Variants in THOP1 observed in about 807,000 individuals in gnomAD.
The protein encoded by THOP1 is thimet oligopeptidase 1.
In THOP1, 49 loss-of-function variants were observed where a neutral mutation model predicts 71.8. That is an observed-to-expected ratio of 0.68 (90% CI 0.54 to 0.87). The LOEUF is 0.87. Ranked by LOEUF, THOP1 falls within the 40% of genes least tolerant of loss-of-function variation. The pLI is 0.00. For missense variants in THOP1, 843 were observed against 975.6 expected, an observed-to-expected ratio of 0.86 and a Z score of 1.81; for synonymous variants, 426 against 421.5, an observed-to-expected ratio of 1.01 and a Z score of -0.13.
At chr19:2,791,508 C>T (rs913395541) in intron 2 of THOP1, among the ~76,000 whole-genome samples, 2 of 152,208 alleles carry the variant, frequency 1.3e-5, no homozygotes, top group Non-Finnish European at 2.9e-5. Context: ...GCTGAAGCTC[C>T]GCAAGCACCC....
intron 1 of THOP1, among the ~76,000 whole-genome samples, chr19:2,788,500 C>T (rs112713793): frequency 0.055 from 8,385 of 152,096 alleles, 731 homozygotes; most frequent in African/African-American, 0.19. Flanking sequence ...TTTTTTGAGA[C>T]GGAGTTTCAC....
chr19:2,805,180 A>G lies in THOP1; in HGVS notation c.750+4A>G, dbSNP rs775541632. 6 of 1,610,492 alleles carry G rather than the reference A, an allele frequency of 3.7e-6. No homozygotes were observed. The highest frequency in any genetic ancestry group is 3.3e-5 in the South Asian group (3 of 90,680). On this transcript the variant is annotated splice_donor_region_variant and intron_variant, in intron 6 of 12. Transcript: ENST00000307741. This position sits in a 1 kb window ranked among gnomAD's most constrained non-coding sequence, Gnocchi z 6.6. The stretch of plus-strand genomic sequence containing the variant: ...CTTCAACTGCCGGTGCAAGGAGGTG[A>G]GAAGGCACGGCCAGGGGGCCCCAGA...
chr19:2,789,376 C>G (rs1483412607), intron 1 of THOP1, among the ~76,000 whole-genome samples: 7 of 152,234 alleles, frequency 4.6e-5, no homozygotes, highest in African/African-American at 1.7e-4. Flanking sequence ...GCTGCTCTCG[C>G]TGCCAGGAGC....
chr19:2,796,704 A>G (rs1291823673), intron 4 of THOP1, among the ~76,000 whole-genome samples: 3 of 151,574 alleles, frequency 2.0e-5, no homozygotes, highest in Admixed American at 2.0e-4. Flanking sequence ...TGGCCAGTGG[A>G]GCTTCTGTGG....
At chr19:2,793,985 G>A (rs1915948836) in intron 2 of THOP1, among the ~76,000 whole-genome samples, 1 of 151,756 alleles carries the variant, frequency 6.6e-6, no homozygotes, top group South Asian at 2.1e-4. Flanking sequence ...GGGGTCATGG[G>A]ATGACTCCAT....
At position 2,808,481 on chromosome 19, in the gene THOP1, AGG is replaced by A. The variant is rs1916373306; in HGVS notation, c.1455+40_1455+41del. On this transcript the variant is annotated intron_variant, in intron 9 of 12. Coordinates refer to ENST00000307741, the MANE Select transcript of THOP1 (RefSeq NM_003249.5). ...CCCGGGCAGGGGCAGGGGCAGGGGC[AGG>A]GGCAGGGGCTGCCTGTGGTCAGCGA... 2.6e-6 allele frequency: 4 copies of A among 1,542,072 alleles called. No homozygotes were observed. The East Asian group carries it at 9.4e-5, about 36-fold the overall frequency.
chr19:2,810,262 G>C, intron 9 of THOP1, 42 bp from the exon 10 acceptor site: 1 of 1,596,302 alleles, frequency 6.3e-7, no homozygotes, highest in Admixed American at 1.7e-5. Flanking sequence ...GAACGGGCTA[G>C]GCAGGACCTG....
rs932183213 is a variant in THOP1, at chr19:2,804,408, T to C, written c.590-608T>C. Among the ~76,000 whole-genome samples the C allele has an allele frequency of 6.6e-6, 1 of 152,016 alleles. No homozygotes were observed. Among genetic ancestry groups the C allele is most frequent in the Non-Finnish European group, 1.5e-5 (1 of 67,982 alleles). ...CTCTCTGGAGGGACACACTTGAAAG[T>C]GGTTGAGCCGTGGGGCTGCGTGCTG... On this transcript the variant is annotated intron_variant, in intron 5 of 12. Transcript: ENST00000307741. The surrounding 1 kb of genome is among the most constrained non-coding windows in gnomAD (Gnocchi z 4.7).
At chr19:2,808,174 G>A (rs1916359029) in intron 8 of THOP1, 69 bp from the exon 9 acceptor site, 1 of 1,494,590 alleles carries the variant, frequency 6.7e-7, no homozygotes, top group Non-Finnish European at 9.1e-7. Context: ...GTGGGCTGAG[G>A]GATGCGGAGT....
intron 5 of THOP1, among the ~76,000 whole-genome samples, chr19:2,800,637 A>G (rs971470211): frequency 6.6e-6 from 1 of 152,146 alleles, no homozygotes; most frequent in African/African-American, 2.4e-5. Flanking sequence ...ATGTTTCCTG[A>G]GGGAACACTC....
At position 2,801,584 on chromosome 19, in the gene THOP1, C is replaced by T. The variant is rs1479054905; in HGVS notation, c.589+1793C>T. 1.3e-5 allele frequency among the ~76,000 whole-genome samples: 2 copies of T among 152,158 alleles called. No homozygotes were observed. Among genetic ancestry groups the T allele is most frequent in the East Asian group, 1.9e-4 (1 of 5,194 alleles). ...CCGTCATTTCTCAGGAGACGCCTTG[C>T]GATGGTCTTAGTTCCTTTTCTTCTG... is the stretch of plus-strand genomic sequence containing the variant. On this transcript the variant is annotated intron_variant, in intron 5 of 12. Transcript: ENST00000307741. The surrounding 1 kb of genome is among the most constrained non-coding windows in gnomAD (Gnocchi z 5.1).
At position 2,785,668 on chromosome 19, in the gene THOP1, G is replaced by A; in HGVS notation, c.6G>A (p.Lys2=). The A allele has an allele frequency of 6.7e-7, 1 of 1,500,908 alleles. No homozygotes were observed. The highest frequency in any genetic ancestry group is 8.9e-7 in the Non-Finnish European group (1 of 1,122,852). The allele number at this position is 1,500,908 out of a possible 1,614,324, so 93.0% of individuals were successfully genotyped here. Residue 2 remains lysine, a synonymous_variant, in exon 1 of 13, where the codon AAG becomes AAA. Transcript: ENST00000307741. ...CAGGCGCAGACCCACCCGCCATGAAGCCCCCCGCAGGTACCGACTACCCCG... is the reference window on the plus strand; with the variant it reads ...CAGGCGCAGACCCACCCGCCATGAAACCCCCCGCAGGTACCGACTACCCCG... M[K]PPAACAGDMA...
rs530916444 is a variant in THOP1, at chr19:2,793,552, T to C, written c.230-1212T>C. Among the ~76,000 whole-genome samples the C allele has an allele frequency of 2.2e-4, 34 of 151,952 alleles. 1 individual carries two copies. Among genetic ancestry groups the C allele is most frequent in the African/African-American group, 8.0e-4 (33 of 41,416 alleles). On this transcript the variant is annotated intron_variant, in intron 2 of 12. Transcript: ENST00000307741. ...TAAAAATACAAAAATTACCTGGGCG[T>C]GGTGGTGGGTACCTGTAATCCCAGC... is the stretch of plus-strand genomic sequence containing the variant.
chr19:2,807,728 T>G lies in THOP1; in HGVS notation c.1173T>G (p.His391Gln), dbSNP rs1208020415. 6.3e-7 allele frequency: 1 copy of G among 1,594,012 alleles called. No homozygotes were observed. Among genetic ancestry groups the G allele is most frequent in the Non-Finnish European group, 8.6e-7 (1 of 1,167,726 alleles). The change falls in exon 8 of 13, where the codon CAT (histidine) becomes CAG (glutamine). Residue 391 changes from histidine to glutamine, a missense_variant. Physicochemically the swap from His to Gln is conservative, Grantham distance 24. Coordinates refer to ENST00000307741, the MANE Select transcript of THOP1 (RefSeq NM_003249.5). The stretch of plus-strand genomic sequence containing the variant: ...ACGAGGAGGGCGCCAGTGCCTGGCA[T>G]GAGGACGTGCGGCTCTACACCGCGA... Reference protein sequence around the residue: ...FHHEEGASAWHEDVRLYTARD... With the variant: ...FHHEEGASAWQEDVRLYTARD...
In THOP1 at chr19:2,811,709, A is replaced by G. The variant is rs1916468311; in HGVS notation, c.1883A>G (p.Lys628Arg). Residue 628 changes from lysine (K) to arginine (R), a missense_variant, in exon 12 of 13, where the codon AAG becomes AGG. Lys to Arg is a conservative substitution (Grantham distance 26, BLOSUM62 2). Transcript: ENST00000307741. ...ATGGACATGTTCCACACGCGCTTCA[A>G]GCAGGAGGGTGTCCTGAACAGCAAG... ...YSMDMFHTRF[K>R]QEGVLNSKVG... 1 of 1,613,314 alleles carries G rather than the reference A, an allele frequency of 6.2e-7. No individual in the cohort carries two copies. Among genetic ancestry groups the G allele is most frequent in the African/African-American group, 1.3e-5 (1 of 74,924 alleles).
rs747503297 is a variant in THOP1 at position 2,796,173 on chromosome 19, CAG to C, written c.477_478del (p.Glu159AspfsTer76). Reference protein sequence around the residue: ...LGRRNGLHLPRETQENIKRIK... With the variant: ...LGRRNGLHLPXETQENIKRIK... The stretch of plus-strand genomic sequence containing the variant: ...GCCGGAGAAATGGGCTTCACCTCCC[CAG>C]AGAGACTCAGGAAGTGAGTGCTGGG... On this transcript the variant is annotated frameshift_variant, in exon 4 of 13. Transcript: ENST00000307741. LOFTEE classifies it high-confidence loss of function. The C allele has an allele frequency of 1.2e-6, 2 of 1,612,968 alleles. No homozygotes were observed. Among genetic ancestry groups the C allele is most frequent in the African/African-American group, 2.7e-5 (2 of 75,024 alleles).
At chr19:2,803,209 G>C (rs1916200145) in intron 5 of THOP1, among the ~76,000 whole-genome samples, 2 of 152,204 alleles carry the variant, frequency 1.3e-5, no homozygotes, top group African/African-American at 4.8e-5. Flanking sequence ...CCACTGCCAG[G>C]GAGCAGCATT....
chr19:2,790,717 C>G, intron 2 of THOP1, 84 bp downstream of exon 2: 1 of 1,311,904 alleles, frequency 7.6e-7, no homozygotes, highest in Middle Eastern at 2.1e-4. Context: ...GCCCGTGGAG[C>G]CGGTTCAGAA....
At chr19:2,799,860 C>CG (rs1170857366) in intron 5 of THOP1, 69 bp downstream of exon 5, 1 of 1,387,410 alleles carries the variant, frequency 7.2e-7, no homozygotes, top group Non-Finnish European at 1.0e-6. Context: ...GCCAGGCCCT[C>CG]GGGGGCCGCC....
Sources: gnomAD v4.1 joint callset for allele counts (sites outside exome capture counted in the v4.1 genomes callset) on GRCh38, gnomAD v4.1.1 for gene constraint, Gnocchi (gnomAD v3.1) non-coding constraint, MANE v1.5 for transcripts, NCBI Gene and HGNC (gene_info 2026-07-23, HGNC 2026-07-21) for gene names.